BACE2: variants seen among roughly 807,000 people sequenced by gnomAD.
BACE2 encodes the protein 56 kDa aspartic-like protease.
In BACE2, 17 loss-of-function variants were observed where a neutral mutation model predicts 46.2. The observed-to-expected ratio is 0.37, with a 90% confidence interval of 0.25 to 0.55. The LOEUF (loss-of-function observed/expected upper bound fraction) is 0.55, where lower values mean the gene tolerates loss of function less well. BACE2 is among the 20% of genes least tolerant of loss of function. The pLI is 0.82. For missense variants in BACE2, 595 were observed against 698.1 expected, an observed-to-expected ratio of 0.85 and a Z score of 1.66; for synonymous variants, 277 against 295.9, an observed-to-expected ratio of 0.94 and a Z score of 0.66.
In BACE2 at chr21:41,226,352, G is replaced by A; in HGVS notation, c.399G>A (p.Glu133=). 6.2e-7 allele frequency: 1 copy of A among 1,613,628 alleles called. No individual in the cohort carries two copies. Among genetic ancestry groups the A allele is most frequent in the Non-Finnish European group, 8.5e-7 (1 of 1,179,896 alleles). The change falls in exon 2 of 9, where the codon GAG becomes GAA. Residue 133 remains glutamate, a splice_region_variant and synonymous_variant. Transcript: ENST00000330333. ...HSYIDTYFDT[E]RSSTYRSKGF... is the part of the protein sequence containing the mutation. ...ACATAGACACGTACTTTGACACAGA[G>A]AGGTAAGCGCTGGCCCCTTGGCTGG...
chr21:41,250,395 G>C (rs1415655420), intron 6 of BACE2, among the ~76,000 whole-genome samples: 1 of 152,214 alleles, frequency 6.6e-6, no homozygotes, highest in Non-Finnish European at 1.5e-5. Flanking sequence ...TCTGCCCTCT[G>C]CTGTGTGACC....
At chr21:41,183,775 C>G (rs1390953869) in intron 1 of BACE2, 1 of 167,056 alleles carries the variant, frequency 6.0e-6, no homozygotes, top group East Asian at 1.9e-4. Context: ...AAGGTTAGCT[C>G]TAGTATTGAT....
At chr21:41,208,591 C>A (rs548372377) in intron 1 of BACE2, among the ~76,000 whole-genome samples, 193 of 152,280 alleles carry the variant, frequency 1.3e-3, no homozygotes, top group Non-Finnish European at 2.4e-3. Context: ...CTGACACTAC[C>A]TCTGAGGGTT....
chr21:41,181,531 C>T (rs1985123167), intron 1 of BACE2: 1 of 167,222 alleles, frequency 6.0e-6, no homozygotes, highest in Middle Eastern at 3.4e-3. Context: ...GTCTTGGAAA[C>T]TTGGCAACTA....
At chr21:41,275,221 C>A in intron 8 of BACE2, 150 bp from the exon 9 acceptor site, 1 of 1,068,364 alleles carries the variant, frequency 9.4e-7, no homozygotes, top group Non-Finnish European at 1.4e-6. Context: ...GAGCCGTGAC[C>A]CCACTCAGTG....
chr21:41,222,080 C>G (rs1428182713), intron 1 of BACE2, among the ~76,000 whole-genome samples: 1 of 152,170 alleles, frequency 6.6e-6, no homozygotes, highest in Non-Finnish European at 1.5e-5. Flanking sequence ...TCAGCTCTGC[C>G]ACTTACCCTT....
intron 1 of BACE2, chr21:41,180,907 G>A (rs1050158543): frequency 6.0e-6 from 1 of 167,042 alleles, no homozygotes; most frequent in Non-Finnish European, 1.5e-5. Flanking sequence ...CCAGAGTCTG[G>A]GGAACTCTTG....
At chr21:41,257,369 C>G (rs769444659) in intron 8 of BACE2, 43 bp downstream of exon 8, 1 of 1,601,274 alleles carries the variant, frequency 6.2e-7, no homozygotes, top group Admixed American at 1.7e-5. Flanking sequence ...GACAAGAGTC[C>G]TTTATGTAAA....
chr21:41,216,691 C>CT (rs768211185), intron 1 of BACE2, among the ~76,000 whole-genome samples: 22 of 152,208 alleles, frequency 1.4e-4, no homozygotes, highest in Non-Finnish European at 2.5e-4. Context: ...GAGAGTCCCC[C>CT]TGTCACTGGG....
chr21:41,230,078 A>G (rs2123581117), intron 2 of BACE2: 1 of 152,318 alleles, frequency 6.6e-6, no homozygotes, highest in African/African-American at 2.4e-5. Context: ...TACTGCAGAG[A>G]CTGACTTATT....
At chr21:41,180,005 T>C (rs1402009690) in intron 1 of BACE2, 4 of 343,702 alleles carry the variant, frequency 1.2e-5, no homozygotes, top group Non-Finnish European at 1.8e-5. Flanking sequence ...CGGCCGGCTG[T>C]GCACAGCAGC....
chr21:41,215,415 C>T (rs919911055), intron 1 of BACE2, among the ~76,000 whole-genome samples: 26 of 152,142 alleles, frequency 1.7e-4, no homozygotes, highest in African/African-American at 6.0e-4. Context: ...GGGGCCAGGA[C>T]ACAGGCACCA....
At chr21:41,194,002 G>A (rs1985657682) in intron 1 of BACE2, among the ~76,000 whole-genome samples, 1 of 152,190 alleles carries the variant, frequency 6.6e-6, no homozygotes, top group Non-Finnish European at 1.5e-5. Flanking sequence ...GTAATGTAGT[G>A]GGGTCCTTCC....
chr21:41,198,855 T>TTATTTATG (rs1338752737), intron 1 of BACE2, among the ~76,000 whole-genome samples: 3 of 142,528 alleles, frequency 2.1e-5, no homozygotes, highest in Non-Finnish European at 4.7e-5. Context: ...CGCTTTTTAT[T>TTATTTATG]TATTTATTTA....
At chr21:41,203,327 G>A (rs1227340345) in intron 1 of BACE2, among the ~76,000 whole-genome samples, 1 of 152,242 alleles carries the variant, frequency 6.6e-6, no homozygotes, top group Non-Finnish European at 1.5e-5. Flanking sequence ...CCTGAAAAAG[G>A]AGGGGTGGGA....
intron 1 of BACE2, chr21:41,175,165 C>T (rs1292688206): frequency 1.3e-5 from 2 of 152,184 alleles, no homozygotes; most frequent in South Asian, 2.1e-4. Flanking sequence ...ACATTAACCA[C>T]ATAAAGGAAA....
chr21:41,178,125 A>G (rs2123491600), intron 1 of BACE2: 1 of 152,352 alleles, frequency 6.6e-6, no homozygotes, highest in South Asian at 2.1e-4. Flanking sequence ...TCTGGTCCAA[A>G]ATGGCAACCA....
chr21:41,221,454 C>T (rs1288462799), intron 1 of BACE2, among the ~76,000 whole-genome samples: 1 of 152,180 alleles, frequency 6.6e-6, no homozygotes. Flanking sequence ...ATTTTGGAAT[C>T]TGTTATCTTT....
Position 41,277,766 on chromosome 21 carries a change from G to C in BACE2, c.*2142G>C, listed in dbSNP as rs1266528719. ...GAACAGGCATAGTTCTTAAAATACA[G>C]GAAAGTAACAAGTGAGGTTTCCAGG... On this transcript the variant is annotated 3_prime_UTR_variant, in exon 9 of 9. Transcript: ENST00000330333. The C allele has an allele frequency of 1.3e-5, 2 of 152,226 alleles. No individual in the cohort carries two copies. The highest frequency in any genetic ancestry group is 2.9e-5 in the Non-Finnish European group (2 of 68,048). 9.4% of individuals were successfully genotyped at this position (152,226 alleles called of 1,614,324 possible). A position where few individuals can be genotyped will look rare whatever the true frequency, so the allele number is the denominator to read the frequency against.
Sources: allele counts gnomAD v4.1 joint callset (sites outside exome capture counted in the v4.1 genomes callset), GRCh38; gene constraint gnomAD v4.1.1; transcripts MANE v1.5; gene names NCBI Gene and HGNC (gene_info 2026-07-23, HGNC 2026-07-21).